The following EPHA7 variants were observed in gnomAD, a reference collection of about 807,000 sequenced individuals.
EPHA7 encodes EPH receptor A7, also known as ephrin type-A receptor 7.
In EPHA7, 25 loss-of-function variants were observed where a neutral mutation model predicts 112.6. The ratio of observed to expected loss-of-function variants is 0.22; its 90% CI spans 0.16 to 0.31. EPHA7 has a LOEUF of 0.31. EPHA7 is among the 10% of genes least tolerant of loss of function. The pLI is 1.00. For synonymous variants in EPHA7, 437 were observed against 406.5 expected, an observed-to-expected ratio of 1.07 and a Z score of -0.90; for missense variants, 962 against 1,212.6, an observed-to-expected ratio of 0.79 and a Z score of 3.07.
chr6:93,294,166 T>C (rs548446702), intron 5 of EPHA7, among the ~76,000 whole-genome samples: 1 of 152,326 alleles, frequency 6.6e-6, no homozygotes, highest in South Asian at 2.1e-4. Flanking sequence ...CACAAGAAGA[T>C]GTCAACCTCA....
chr6:93,371,267 AT>A (rs1209918864), intron 3 of EPHA7, among the ~76,000 whole-genome samples: 1 of 150,788 alleles, frequency 6.6e-6, no homozygotes, highest in African/African-American at 2.4e-5. Context: ...GGGGAAAAAA[AT>A]AACAAAAAAT....
chr6:93,344,010 T>A (rs1662697130), intron 5 of EPHA7, among the ~76,000 whole-genome samples: 1 of 151,678 alleles, frequency 6.6e-6, no homozygotes, highest in Admixed American at 6.6e-5. Context: ...ATAGCAAAAA[T>A]AAAATTTCCA....
chr6:93,272,487 A>C (rs993685257), intron 5 of EPHA7, 65 bp from the exon 6 acceptor site: 50 of 1,595,564 alleles, frequency 3.1e-5, no homozygotes, highest in Non-Finnish European at 4.1e-5. Flanking sequence ...ATCAAATGTC[A>C]CAACTGATCA....
chr6:93,346,551 G>A (rs1434765897), intron 5 of EPHA7, among the ~76,000 whole-genome samples: 5 of 151,630 alleles, frequency 3.3e-5, no homozygotes, highest in East Asian at 1.9e-4. Context: ...TCTTGGCAGG[G>A]TATTACTAAA....
rs756003702 is a variant in EPHA7 at position 93,411,069 on chromosome 6, G to C, written c.264C>G (p.Asn88Lys). 2 of 1,613,962 alleles carry C rather than the reference G, an allele frequency of 1.2e-6. No homozygotes were observed. Among genetic ancestry groups the C allele is most frequent in the Non-Finnish European group, 1.7e-6 (2 of 1,179,984 alleles). ...TTTGTGCATTGCCTTTGGAAATCCA[G>C]TTAGTCCGCAGCCAGTTGTTTTGGT... Reference protein sequence around the residue: ...EPNQNNWLRTNWISKGNAQRI... With the variant: ...EPNQNNWLRTKWISKGNAQRI... The change falls in exon 3 of 17, where the codon AAC becomes AAG. Residue 88 changes from asparagine to lysine, a missense_variant. By Grantham distance (94) the Asn-to-Lys change is moderately conservative (BLOSUM62 0). Coordinates refer to ENST00000369303, the MANE Select transcript of EPHA7 (RefSeq NM_004440.4).
At chr6:93,299,835 G>C (rs1772880982) in intron 5 of EPHA7, among the ~76,000 whole-genome samples, 1 of 152,170 alleles carries the variant, frequency 6.6e-6, no homozygotes, top group Admixed American at 6.5e-5. Context: ...AACTTGGATG[G>C]AGCTGGAGGA....
intron 5 of EPHA7, among the ~76,000 whole-genome samples, chr6:93,310,793 G>A (rs769846190): frequency 7.2e-5 from 11 of 151,994 alleles, no homozygotes; most frequent in Admixed American, 1.3e-4. Context: ...AACCTTCAGC[G>A]AGTCATAATA....
chr6:93,351,132 G>T (rs186509587), intron 5 of EPHA7, among the ~76,000 whole-genome samples: 1 of 152,026 alleles, frequency 6.6e-6, no homozygotes, highest in African/African-American at 2.4e-5. Flanking sequence ...GCCTCATTTA[G>T]AATTTCCTTT....
At chr6:93,361,487 A>C (rs1776258444) in intron 3 of EPHA7, among the ~76,000 whole-genome samples, 1 of 152,084 alleles carries the variant, frequency 6.6e-6, no homozygotes, top group African/African-American at 2.4e-5. Context: ...ATCTACACGA[A>C]ATACTTAGAG....
At chr6:93,349,973 C>T (rs1352825741) in intron 5 of EPHA7, among the ~76,000 whole-genome samples, 1 of 151,700 alleles carries the variant, frequency 6.6e-6, no homozygotes, top group Non-Finnish European at 1.5e-5. Flanking sequence ...AATGTTATAT[C>T]ACATGACTCA....
intron 5 of EPHA7, among the ~76,000 whole-genome samples, chr6:93,328,328 TCTA>T (rs1774423271): frequency 6.6e-6 from 1 of 151,560 alleles, no homozygotes; most frequent in African/African-American, 2.4e-5. Context: ...GCACTCCACT[TCTA>T]CTAGAAACTT....
Position 93,322,401 on chromosome 6 carries a change from CT to C in EPHA7, c.1324+34315del, listed in dbSNP as rs559171242. On this transcript the variant is annotated intron_variant, in intron 5 of 16. Coordinates refer to ENST00000369303, the MANE Select transcript of EPHA7 (RefSeq NM_004440.4). The stretch of plus-strand genomic sequence containing the variant: ...GCTTAAAATCTACTGCAAGCAATTC[CT>C]TTTTTTGTCTTGTTTTATAAAATAT... 1.5e-4 allele frequency among the ~76,000 whole-genome samples: 22 copies of C among 151,578 alleles called. No homozygotes were observed. In the East Asian group the frequency reaches 2.7e-3, roughly 19 times the overall value.
At chr6:93,339,722 C>G (rs909571929) in intron 5 of EPHA7, among the ~76,000 whole-genome samples, 1 of 151,434 alleles carries the variant, frequency 6.6e-6, no homozygotes, top group Admixed American at 6.6e-5. Context: ...CCACTGGGCT[C>G]GATATATTTA....
chr6:93,312,558 C>G (rs1465725839), intron 5 of EPHA7, among the ~76,000 whole-genome samples: 1 of 152,112 alleles, frequency 6.6e-6, no homozygotes, highest in Admixed American at 6.5e-5. Context: ...CTGGTTTGAT[C>G]TTAGACCACT....
chr6:93,330,686 G>C (rs1047409121), intron 5 of EPHA7, among the ~76,000 whole-genome samples: 3 of 151,176 alleles, frequency 2.0e-5, no homozygotes, highest in African/African-American at 7.3e-5. Flanking sequence ...CTATTGACCT[G>C]TTGATCGATA....
chr6:93,281,366 T>C (rs1771727653), intron 5 of EPHA7, among the ~76,000 whole-genome samples: 1 of 152,220 alleles, frequency 6.6e-6, no homozygotes, highest in Non-Finnish European at 1.5e-5. Context: ...TTTAAACTAC[T>C]TTCGTACTTT....
chr6:93,293,676 G>A (rs1772501089), intron 5 of EPHA7, among the ~76,000 whole-genome samples: 1 of 152,126 alleles, frequency 6.6e-6, no homozygotes, highest in African/African-American at 2.4e-5. Context: ...AATGCATTTT[G>A]ACAGGTCAGA....
intron 5 of EPHA7, among the ~76,000 whole-genome samples, chr6:93,306,624 A>G (rs1773270825): frequency 6.6e-6 from 1 of 152,018 alleles, no homozygotes; most frequent in South Asian, 2.1e-4. Context: ...GTTTAATAAA[A>G]TGTTCAGTTT....
intron 5 of EPHA7, among the ~76,000 whole-genome samples, chr6:93,328,253 G>C (rs1353242677): frequency 6.6e-6 from 1 of 151,286 alleles, no homozygotes; most frequent in Non-Finnish European, 1.5e-5. Flanking sequence ...TATGTATTTT[G>C]TTTGAACAAC....
Sources: allele counts gnomAD v4.1 joint callset (sites outside exome capture counted in the v4.1 genomes callset), GRCh38; gene constraint gnomAD v4.1.1; transcripts MANE v1.5; gene names NCBI Gene and HGNC (gene_info 2026-07-23, HGNC 2026-07-21).